Variants in MGAT4C observed in about 807,000 individuals in gnomAD.
The protein encoded by MGAT4C is MGAT4 family member C.
A neutral mutation model predicts 40.1 loss-of-function variants in MGAT4C; 19 were observed. The observed-to-expected ratio is 0.47, with a 90% CI of 0.33 to 0.70. The LOEUF (loss-of-function observed/expected upper bound fraction) is 0.70, where lower values mean the gene tolerates loss of function less well. MGAT4C is among the 30% of genes least tolerant of loss of function. MGAT4C has a pLI of 0.02. For synonymous variants in MGAT4C, 181 were observed against 187.1 expected (o/e 0.97, Z 0.27); for missense variants, 491 against 563.2 (o/e 0.87, Z 1.30).
intron 3 of MGAT4C, among the ~76,000 whole-genome samples, chr12:86,405,232 T>C (rs1014802119): frequency 6.6e-6 from 1 of 152,004 alleles, no homozygotes; most frequent in Admixed American, 6.6e-5. Context: ...AGATGGCATG[T>C]TTATCTACGT....
intron 2 of MGAT4C, among the ~76,000 whole-genome samples, chr12:86,492,620 T>C (rs1326764822): frequency 1.3e-5 from 2 of 152,160 alleles, no homozygotes; most frequent in Non-Finnish European, 1.5e-5. Context: ...CTGGATCTCT[T>C]CCTTACATCT....
chr12:86,767,490 G>A (rs1235738589), intron 1 of MGAT4C, among the ~76,000 whole-genome samples: 2 of 152,126 alleles, frequency 1.3e-5, no homozygotes, highest in African/African-American at 4.8e-5. Context: ...AATAGAAAAA[G>A]AGGGAATCCT....
chr12:86,465,801 A>G (rs1305121907), intron 2 of MGAT4C, among the ~76,000 whole-genome samples: 1 of 152,174 alleles, frequency 6.6e-6, no homozygotes, highest in African/African-American at 2.4e-5. Context: ...ATTGTACAGC[A>G]TTTTGGAAGA....
At chr12:86,330,865 T>G (rs1331837803) in intron 4 of MGAT4C, among the ~76,000 whole-genome samples, 3 of 152,168 alleles carry the variant, frequency 2.0e-5, no homozygotes, top group Non-Finnish European at 4.4e-5. Flanking sequence ...GATTGAAATG[T>G]TACAAAAGGT....
intron 1 of MGAT4C, among the ~76,000 whole-genome samples, chr12:86,083,442 G>A (rs764198786): frequency 6.6e-6 from 1 of 151,928 alleles, no homozygotes; most frequent in Non-Finnish European, 1.5e-5. Flanking sequence ...AGTACTGTCC[G>A]CAGGGTTCTG....
intron 2 of MGAT4C, among the ~76,000 whole-genome samples, chr12:86,638,067 T>C (rs557424920): frequency 1.3e-5 from 2 of 151,928 alleles, no homozygotes; most frequent in East Asian, 3.9e-4. Context: ...CTTTAAAAAT[T>C]ATTGTATTAA....
At chr12:86,075,359 T>C (rs1869485468) in intron 1 of MGAT4C, among the ~76,000 whole-genome samples, 1 of 152,184 alleles carries the variant, frequency 6.6e-6, no homozygotes, top group South Asian at 2.1e-4. Context: ...CCCATGGTCT[T>C]GGTCAGCTCT....
chr12:86,546,075 G>T (rs1959191445), intron 2 of MGAT4C, among the ~76,000 whole-genome samples: 1 of 151,976 alleles, frequency 6.6e-6, no homozygotes, highest in African/African-American at 2.4e-5. Context: ...TGACGTTTTT[G>T]AATTATGGTC....
intron 1 of MGAT4C, among the ~76,000 whole-genome samples, chr12:86,091,936 G>T (rs530144052): frequency 6.6e-6 from 1 of 152,150 alleles, no homozygotes; most frequent in South Asian, 2.1e-4. Context: ...AGGCACTAAG[G>T]CATGCTTTCT....
At chr12:85,987,414 G>T (rs1346407682) in intron 3 of MGAT4C, among the ~76,000 whole-genome samples, 1 of 152,038 alleles carries the variant, frequency 6.6e-6, no homozygotes, top group Non-Finnish European at 1.5e-5. Flanking sequence ...TGGGATTACA[G>T]GCGTGAGCCA....
chr12:86,194,901 A>T (rs141822111), intron 1 of MGAT4C, among the ~76,000 whole-genome samples: 2 of 152,298 alleles, frequency 1.3e-5, no homozygotes, highest in African/African-American at 2.4e-5. Context: ...CTTCTTTGGC[A>T]GGTCTTGAAC....
chr12:86,286,208 G>A (rs1323749890), intron 4 of MGAT4C, among the ~76,000 whole-genome samples: 2 of 152,024 alleles, frequency 1.3e-5, no homozygotes, highest in Non-Finnish European at 1.5e-5. Flanking sequence ...AGGATGTGAC[G>A]TTTTATACAC....
chr12:86,510,136 T>A (rs1958546798), intron 2 of MGAT4C, among the ~76,000 whole-genome samples: 1 of 152,340 alleles, frequency 6.6e-6, no homozygotes, highest in East Asian at 1.9e-4. Flanking sequence ...CCCTGTCTTG[T>A]GCCAGTTTTC....
chr12:86,399,220 T>C (rs990416234), intron 3 of MGAT4C, among the ~76,000 whole-genome samples: 2 of 152,138 alleles, frequency 1.3e-5, no homozygotes, highest in Non-Finnish European at 2.9e-5. Context: ...TCTGCCTGCC[T>C]TGGCCTCCCA....
intron 2 of MGAT4C, among the ~76,000 whole-genome samples, chr12:86,487,045 G>A (rs909111086): frequency 4.7e-4 from 72 of 152,098 alleles, no homozygotes; most frequent in African/African-American, 1.7e-3. Context: ...AGTTCCAATC[G>A]TTTTAATTTA....
At chr12:86,174,164 A>G (rs1887158324) in intron 1 of MGAT4C, among the ~76,000 whole-genome samples, 1 of 143,708 alleles carries the variant, frequency 7.0e-6, no homozygotes, top group Non-Finnish European at 1.5e-5. Context: ...CACACAGAAT[A>G]AAAAACTGAA....
intron 1 of MGAT4C, among the ~76,000 whole-genome samples, chr12:86,800,462 C>T (rs1952205621): frequency 6.6e-6 from 1 of 151,694 alleles, no homozygotes; most frequent in Admixed American, 6.6e-5. Flanking sequence ...GTTTTAAGTA[C>T]CCAGAATGGT....
intron 2 of MGAT4C, among the ~76,000 whole-genome samples, chr12:86,607,303 A>G (rs1431456899): frequency 2.0e-5 from 3 of 152,068 alleles, no homozygotes; most frequent in Non-Finnish European, 4.4e-5. Context: ...TTGACCCATG[A>G]GTTAGACAGT....
intron 3 of MGAT4C, among the ~76,000 whole-genome samples, chr12:86,335,936 C>T (rs1444511130): frequency 6.6e-6 from 1 of 152,110 alleles, no homozygotes; most frequent in East Asian, 1.9e-4. Context: ...TCAGTCCTCT[C>T]TTGCTGAAGC....
Sources: allele counts gnomAD v4.1 joint callset (sites outside exome capture counted in the v4.1 genomes callset), GRCh38; gene constraint gnomAD v4.1.1; transcripts MANE v1.5; gene names NCBI Gene and HGNC (gene_info 2026-07-23, HGNC 2026-07-21).